ADPRHL1: variants seen among roughly 807,000 people sequenced by gnomAD.
ADPRHL1 encodes the protein inactive ADP-ribosyltransferase ARH2.
Under a neutral mutation model 44.1 loss-of-function variants are expected in ADPRHL1, and 43 were observed. That is an observed-to-expected ratio of 0.98 (90% CI 0.76 to 1.26). The LOEUF is 1.26. Among genes scored for constraint, ADPRHL1 ranks in the 50% most tolerant of loss-of-function variants. The pLI is 0.00. For missense variants in ADPRHL1, 2,022 were observed against 2,496.9 expected, an observed-to-expected ratio of 0.81 and a Z score of 4.05; for synonymous variants, 878 against 1,017.4, an observed-to-expected ratio of 0.86 and a Z score of 2.61.
chr13:113,432,547 G>A (rs1376978173), intron 3 of ADPRHL1, among the ~76,000 whole-genome samples: 1 of 152,202 alleles, frequency 6.6e-6, no homozygotes, highest in African/African-American at 2.4e-5. Context: ...GTTGGGTCAC[G>A]TGCCTTCCCT....
chr13:113,444,498 A>G lies in ADPRHL1; in HGVS notation c.306T>C (p.Ala102=). 1 of 1,614,194 alleles carries G rather than the reference A, an allele frequency of 6.2e-7. No individual in the cohort carries two copies. Among genetic ancestry groups the G allele is most frequent in the Non-Finnish European group, 8.5e-7 (1 of 1,180,022 alleles). ...EKLPERRPDP[A]TIEGCAQLKP... ...TTAGCTGAGCACAGCCTTCAATGGT[A>G]GCTGGGTCTGGCCGGCGTTCTGGAA... The change falls in exon 2 of 8, where the codon GCT becomes GCC. Residue 102 remains alanine (A), a synonymous_variant. Transcript: ENST00000612156.
chr13:113,413,693 C>T (rs1052467963), intron 7 of ADPRHL1, among the ~76,000 whole-genome samples: 11 of 152,222 alleles, frequency 7.2e-5, no homozygotes, highest in Admixed American at 2.6e-4. Context: ...AAAAGGCCCC[C>T]GGTCAGAGCT....
At chr13:113,412,728 C>A in intron 7 of ADPRHL1, among the ~76,000 whole-genome samples, 1 of 150,384 alleles carries the variant, frequency 6.6e-6, no homozygotes, top group East Asian at 2.0e-4. Flanking sequence ...AGTTCACCCA[C>A]CGCCAACAGT....
Position 113,434,931 on chromosome 13 carries a change from G to A in ADPRHL1, c.380-1064C>T, listed in dbSNP as rs77868416. 6.8e-4 allele frequency among the ~76,000 whole-genome samples: 50 copies of A among 73,230 alleles called. 1 individual carries two copies. The highest frequency in any genetic ancestry group is 1.7e-3 in the Admixed American group (12 of 7,040). 48.0% of individuals were successfully genotyped at this position (73,230 alleles called of 152,430 possible). A position where few individuals can be genotyped will look rare whatever the true frequency, so the allele number is the denominator to read the frequency against. On this transcript the variant is annotated intron_variant, in intron 2 of 7. Transcript: ENST00000612156. The stretch of plus-strand genomic sequence containing the variant: ...TGAACATAGGTGTACCCCGGGACCC[G>A]GCACCCAGGTGTAGAGTGAACACAG...
Position 113,424,206 on chromosome 13 carries a change from GAACATCTCACCTCCATGA to G in ADPRHL1, c.900_907+10del. On this transcript the variant is annotated splice_donor_variant and splice_donor_5th_base_variant and coding_sequence_variant and intron_variant, in exon 6 of 8. Transcript: ENST00000612156. LOFTEE classifies it high-confidence loss of function. ...CCTCCAGGAAGCCACGGCCATTAAG[GAACATCTCACCTCCATGA>G]AACATGGCCCGGTGACACAGCTCAG... The G allele has an allele frequency of 1.9e-6, 3 of 1,612,446 alleles. No individual in the cohort carries two copies. In the South Asian group the frequency reaches 3.3e-5, roughly 18 times the overall value.
chr13:113,433,533 A>G (rs1260408541), intron 3 of ADPRHL1, among the ~76,000 whole-genome samples: 1 of 152,228 alleles, frequency 6.6e-6, no homozygotes, highest in Non-Finnish European at 1.5e-5. Flanking sequence ...GTGAACCCAC[A>G]AGATTTCCAG....
At chr13:113,433,662 A>T in intron 3 of ADPRHL1, 80 bp downstream of exon 3, 1 of 1,148,562 alleles carries the variant, frequency 8.7e-7, no homozygotes, top group Non-Finnish European at 1.1e-6. Context: ...CCCCCACCCC[A>T]CACTTAACCT....
In ADPRHL1 at chr13:113,403,208, T is replaced by G. The variant is rs1595534308; in HGVS notation, c.*170A>C. On this transcript the variant is annotated 3_prime_UTR_variant, in exon 8 of 8. Transcript: ENST00000612156. Reference sequence around the variant, plus strand: ...TGGGGTGACAGGAACCCGACCCACATGTAGCTCAATCCTCCCAAGGTCAGC... The same window carrying G: ...TGGGGTGACAGGAACCCGACCCACAGGTAGCTCAATCCTCCCAAGGTCAGC... 2.8e-5 allele frequency: 15 copies of G among 544,114 alleles called. No individual in the cohort carries two copies. Among genetic ancestry groups the G allele is most frequent in the Admixed American group, 4.5e-5 (1 of 22,340 alleles). 33.7% of individuals were successfully genotyped at this position (544,114 alleles called of 1,614,324 possible).
chr13:113,412,541 GC>G (rs1355260448), intron 7 of ADPRHL1, among the ~76,000 whole-genome samples: 1 of 152,244 alleles, frequency 6.6e-6, no homozygotes, highest in East Asian at 1.9e-4. Context: ...TTTCTGCCCA[GC>G]TCCCCACTAG....
intron 7 of ADPRHL1, chr13:113,422,096 G>A (rs935094645): frequency 6.6e-6 from 1 of 152,244 alleles, no homozygotes; most frequent in African/African-American, 2.4e-5. Flanking sequence ...CGAGCCCGAT[G>A]GGGCAGGCGC....
chr13:113,403,597 G>A lies in ADPRHL1; in HGVS notation c.5685C>T (p.Cys1895=), dbSNP rs541202471. The part of the protein sequence containing the change: ...PTEPKPEAGG[C]GTPQAPAQEG... Reference sequence around the variant, plus strand: ...CCTGGGCCGGGGCCTGGGGAGTCCCGCAGCCCCCAGCCTCAGGCTTGGGCT... The same window carrying A: ...CCTGGGCCGGGGCCTGGGGAGTCCCACAGCCCCCAGCCTCAGGCTTGGGCT... Residue 1895 remains cysteine, a synonymous_variant, in exon 8 of 8, where the codon TGC becomes TGT. Transcript: ENST00000612156. The A allele has an allele frequency of 1.9e-5, 24 of 1,231,562 alleles. No individual in the cohort carries two copies. The South Asian group carries it at 2.5e-4, about 13-fold the overall frequency. 76.3% of individuals were successfully genotyped at this position (1,231,562 alleles called of 1,614,324 possible).
At chr13:113,412,789 GTTCACCCACCGCCAAC>G (rs1407434488) in intron 7 of ADPRHL1, among the ~76,000 whole-genome samples, 8 of 102,658 alleles carry the variant, frequency 7.8e-5, no homozygotes, top group African/African-American at 2.5e-4. Flanking sequence ...GCAGAACTCG[GTTCACCCACCGCCAAC>G]AGCACCCCGC....
intron 3 of ADPRHL1, among the ~76,000 whole-genome samples, chr13:113,430,753 G>T: frequency 6.6e-6 from 1 of 151,092 alleles, no homozygotes; most frequent in Non-Finnish European, 1.5e-5. Flanking sequence ...GGCGGGGGTG[G>T]CAGTGGCACT....
chr13:113,423,063 G>T, intron 6 of ADPRHL1, 84 bp from the exon 7 acceptor site: 1 of 1,567,218 alleles, frequency 6.4e-7, no homozygotes, highest in Non-Finnish European at 8.6e-7. Flanking sequence ...CCCCTAAGGT[G>T]GGCCAAACCC....
At chr13:113,440,173 A>G (rs145914820) in intron 2 of ADPRHL1, among the ~76,000 whole-genome samples, 268 of 152,318 alleles carry the variant, frequency 1.8e-3, no homozygotes, top group African/African-American at 5.8e-3. Context: ...ATGAAAGCCA[A>G]TGGCTGGAGA....
chr13:113,420,536 A>G (rs1259972834), intron 7 of ADPRHL1, among the ~76,000 whole-genome samples: 1 of 152,048 alleles, frequency 6.6e-6, no homozygotes, highest in Non-Finnish European at 1.5e-5. Flanking sequence ...ACTTACCTTA[A>G]TTGGGTTTCT....
At chr13:113,432,446 G>T (rs1595549141) in intron 3 of ADPRHL1, among the ~76,000 whole-genome samples, 2 of 152,206 alleles carry the variant, frequency 1.3e-5, no homozygotes, top group Admixed American at 1.3e-4. Flanking sequence ...CGGGTCTGAA[G>T]GTTTTAATTT....
intron 7 of ADPRHL1, among the ~76,000 whole-genome samples, chr13:113,417,799 A>G (rs551550595): frequency 3.4e-4 from 51 of 150,138 alleles, no homozygotes; most frequent in Admixed American, 3.2e-3. Context: ...GCGTTTACAC[A>G]CGAGGGATTT....
chr13:113,447,735 A>AG, intron 1 of ADPRHL1, among the ~76,000 whole-genome samples: 1 of 152,328 alleles, frequency 6.6e-6, no homozygotes, highest in Non-Finnish European at 1.5e-5. Flanking sequence ...GCAGTCTCAT[A>AG]GGAGAGGTGT....
Sources: gnomAD v4.1 joint callset for allele counts (sites outside exome capture counted in the v4.1 genomes callset) on GRCh38, gnomAD v4.1.1 for gene constraint, MANE v1.5 for transcripts, NCBI Gene and HGNC (gene_info 2026-07-23, HGNC 2026-07-21) for gene names.